The following UIMC1 variants were observed in gnomAD, a reference collection of about 807,000 sequenced individuals.
The protein encoded by UIMC1 is ubiquitin interaction motif containing 1.
UIMC1 carries 42 observed loss-of-function variants against 84.9 expected under a neutral mutation model. That is an observed-to-expected ratio of 0.49 (90% confidence interval 0.39 to 0.64). The LOEUF (loss-of-function observed/expected upper bound fraction) is 0.64, where lower values mean the gene tolerates loss of function less well. Ranked by LOEUF, UIMC1 falls within the 30% of genes least tolerant of loss-of-function variation. The probability of loss-of-function intolerance (pLI) is 0.00; values close to 1 mark genes in which losing one functional copy is unlikely to be tolerated. For missense variants in UIMC1, 825 were observed against 847.6 expected, an observed-to-expected ratio of 0.97 and a Z score of 0.33; for synonymous variants, 281 against 293.0, an observed-to-expected ratio of 0.96 and a Z score of 0.42.
At chr5:176,963,366 C>A (rs1767831964) in intron 6 of UIMC1, among the ~76,000 whole-genome samples, 1 of 151,640 alleles carries the variant, frequency 6.6e-6, no homozygotes, top group Non-Finnish European at 1.5e-5. Flanking sequence ...ACAAAAAATA[C>A]AAAAATTAGC....
At chr5:176,991,154 C>A (rs1166342830) in intron 1 of UIMC1, among the ~76,000 whole-genome samples, 2 of 151,930 alleles carry the variant, frequency 1.3e-5, no homozygotes, top group Admixed American at 6.6e-5. Flanking sequence ...ATTACAGGCG[C>A]CCGCCACCAC....
intron 4 of UIMC1, 81 bp from the exon 5 acceptor site, chr5:176,969,787 G>A (rs1399949794): frequency 2.6e-6 from 3 of 1,166,192 alleles, no homozygotes; most frequent in Admixed American, 4.4e-5. Flanking sequence ...GACAAAATGG[G>A]AGGCCACCGT....
At chr5:176,936,306 T>G (rs559240497) in intron 10 of UIMC1, among the ~76,000 whole-genome samples, 1 of 152,244 alleles carries the variant, frequency 6.6e-6, no homozygotes, top group Non-Finnish European at 1.5e-5. Flanking sequence ...CTGAAAGAGA[T>G]AACTTGTCAA....
At chr5:176,955,861 C>A in intron 8 of UIMC1, 98 bp downstream of exon 8, 2 of 1,151,952 alleles carry the variant, frequency 1.7e-6, no homozygotes, top group African/African-American at 3.0e-5. Context: ...TACATACAAA[C>A]CTCCAGAGAG....
intron 1 of UIMC1, among the ~76,000 whole-genome samples, chr5:176,988,725 C>A (rs1772387059): frequency 7.1e-6 from 1 of 140,854 alleles, no homozygotes; most frequent in African/African-American, 2.7e-5. Flanking sequence ...TACTCTGTTG[C>A]CAGGCTGGAG....
In UIMC1 at chr5:176,906,041, T is replaced by A. The variant is rs1452342966; in HGVS notation, c.1919A>T (p.Asp640Val). The A allele has an allele frequency of 6.2e-7, 1 of 1,614,000 alleles. No individual in the cohort carries two copies. The highest frequency in any genetic ancestry group is 1.7e-5 in the Admixed American group (1 of 60,016). The change falls in exon 14 of 15, where the codon GAC becomes GTC. Residue 640 changes from aspartate (D) to valine (V), a missense_variant. By Grantham distance (152) the Asp-to-Val change is radical. Coordinates refer to ENST00000511320, the MANE Select transcript of UIMC1 (RefSeq NM_001199298.2). ...GGCTCCTGTTTCTGAAGACTTGATG[T>A]CTGCATCTGTGATATAAAAGAAAAA... ...EQSEHKTSDA[D>V]IKSSETGAFR... is the part of the protein sequence containing the mutation.
chr5:176,935,895 G>A (rs1208020324), intron 10 of UIMC1, among the ~76,000 whole-genome samples: 1 of 152,026 alleles, frequency 6.6e-6, no homozygotes, highest in African/African-American at 2.4e-5. Context: ...TATTTTTCCA[G>A]GAGATATCCC....
intron 1 of UIMC1, among the ~76,000 whole-genome samples, chr5:176,998,583 C>T (rs752112431): frequency 8.6e-5 from 13 of 151,050 alleles, no homozygotes; most frequent in Non-Finnish European, 1.8e-4. Flanking sequence ...GCCTGACAGA[C>T]ATGGAGAAAC....
intron 1 of UIMC1, among the ~76,000 whole-genome samples, chr5:176,998,928 G>T (rs534814216): frequency 2.0e-5 from 3 of 152,012 alleles, no homozygotes; most frequent in African/African-American, 4.8e-5. Context: ...AGTGTCTCAC[G>T]CCTGTAATTC....
intron 10 of UIMC1, among the ~76,000 whole-genome samples, chr5:176,924,661 T>C (rs537232955): frequency 6.6e-6 from 1 of 152,218 alleles, no homozygotes; most frequent in South Asian, 2.1e-4. Context: ...ATGTACCATA[T>C]ACCTAAATAG....
chr5:176,907,455 A>T (rs1040973640), intron 12 of UIMC1: 1 of 347,612 alleles, frequency 2.9e-6, no homozygotes, highest in African/African-American at 2.1e-5. Flanking sequence ...AACTGGCTGT[A>T]TAAGTAAGTG....
At chr5:176,926,200 CAA>C (rs536891502) in intron 10 of UIMC1, among the ~76,000 whole-genome samples, 165 of 151,548 alleles carry the variant, frequency 1.1e-3, no homozygotes, top group African/African-American at 3.9e-3. Flanking sequence ...TCCTTTACGC[CAA>C]AAAAGAGATA....
intron 10 of UIMC1, among the ~76,000 whole-genome samples, chr5:176,940,009 C>A (rs969080610): frequency 2.0e-5 from 3 of 152,174 alleles, no homozygotes; most frequent in Non-Finnish European, 2.9e-5. Context: ...TGATCCTGGA[C>A]ACAGCAGAAC....
chr5:176,990,306 C>G (rs753335143), intron 1 of UIMC1, among the ~76,000 whole-genome samples: 1 of 152,038 alleles, frequency 6.6e-6, no homozygotes, highest in Non-Finnish European at 1.5e-5. Context: ...CCCTTTTACC[C>G]TTCTGCCATG....
chr5:176,978,263 C>T lies in UIMC1; in HGVS notation c.148-2783G>A, dbSNP rs1396262337. On this transcript the variant is annotated intron_variant, in intron 2 of 14. Coordinates refer to ENST00000511320, the MANE Select transcript of UIMC1 (RefSeq NM_001199298.2). Reference sequence around the variant, plus strand: ...TGGCAGGCGCCTGTAGTCCCAGCTACTCGCGAGGCTGAGGCAGGAGAATGG... The same window carrying T: ...TGGCAGGCGCCTGTAGTCCCAGCTATTCGCGAGGCTGAGGCAGGAGAATGG... Among the ~76,000 whole-genome samples the T allele has an allele frequency of 2.0e-5, 3 of 151,976 alleles. No individual in the cohort carries two copies. In the South Asian group the frequency reaches 6.2e-4, roughly 32 times the overall value.
In UIMC1 at chr5:176,982,532, G is replaced by A. The variant is rs776029761; in HGVS notation, c.84C>T (p.Val28=). The part of the protein sequence containing the change: ...EKKDVETTSS[V]SVKRKRRLED... Reference sequence around the variant, plus strand: ...CAAGTCTACGCTTCCTCTTCACACTGACAGAACTGGTAGTTTCCACATCCT... The same window carrying A: ...CAAGTCTACGCTTCCTCTTCACACTAACAGAACTGGTAGTTTCCACATCCT... Residue 28 remains valine, a synonymous_variant, in exon 2 of 15, where the codon GTC becomes GTT. Transcript: ENST00000511320. The A allele has an allele frequency of 2.5e-5, 40 of 1,613,980 alleles. No homozygotes were observed. Among genetic ancestry groups the A allele is most frequent in the Non-Finnish European group, 2.8e-5 (33 of 1,180,018 alleles).
intron 1 of UIMC1, among the ~76,000 whole-genome samples, chr5:176,996,247 T>A (rs1267302760): frequency 6.6e-6 from 1 of 152,056 alleles, no homozygotes; most frequent in East Asian, 1.9e-4. Flanking sequence ...AATCAACAGT[T>A]AAAGGAAAAC....
upstream of UIMC1, among the ~76,000 whole-genome samples, chr5:177,008,501 A>C (rs964586302): frequency 3.9e-5 from 6 of 152,154 alleles, no homozygotes; most frequent in African/African-American, 1.4e-4. Context: ...ACACTCAAAA[A>C]ATGTTGATTG....
At chr5:176,981,149 T>G (rs1442042560) in intron 2 of UIMC1, among the ~76,000 whole-genome samples, 1 of 149,986 alleles carries the variant, frequency 6.7e-6, no homozygotes, top group East Asian at 1.9e-4. Context: ...TGTTGGTTTT[T>G]TTTTTTTTTT....
Sources: gnomAD v4.1 joint callset for allele counts (sites outside exome capture counted in the v4.1 genomes callset) on GRCh38, gnomAD v4.1.1 for gene constraint, MANE v1.5 for transcripts, NCBI Gene and HGNC (gene_info 2026-07-23, HGNC 2026-07-21) for gene names.